The following DNAH5 variants were observed in gnomAD, a reference collection of about 807,000 sequenced individuals.
The protein encoded by DNAH5 is dynein axonemal heavy chain 5, also known as axonemal beta dynein heavy chain 5.
DNAH5 carries 372 observed loss-of-function variants against 518.2 expected under a neutral mutation model. The ratio of observed to expected loss-of-function variants is 0.72; its 90% CI spans 0.66 to 0.78. DNAH5 has a LOEUF of 0.78. Ranked by LOEUF, DNAH5 falls within the 30% of genes least tolerant of loss-of-function variation. DNAH5 has a pLI of 0.00. For synonymous variants in DNAH5, 2,039 were observed against 2,025.9 expected, an observed-to-expected ratio of 1.01 and a Z score of -0.17; for missense variants, 5,523 against 5,687.0, an observed-to-expected ratio of 0.97 and a Z score of 0.93.
At chr5:13,972,262 G>A (rs1270561411) in intron 1 of DNAH5, among the ~76,000 whole-genome samples, 2 of 152,184 alleles carry the variant, frequency 1.3e-5, no homozygotes, top group African/African-American at 2.4e-5. Context: ...GAGAAAGCAA[G>A]CAGGGCTGTC....
intron 65 of DNAH5, among the ~76,000 whole-genome samples, chr5:13,747,779 A>G (rs1749612725): frequency 6.6e-6 from 1 of 152,088 alleles, no homozygotes; most frequent in Admixed American, 6.5e-5. Flanking sequence ...GATTCTGGAT[A>G]TTAGCCCTTT....
At chr5:13,703,928 T>C (rs1742450670) in intron 76 of DNAH5, among the ~76,000 whole-genome samples, 1 of 152,196 alleles carries the variant, frequency 6.6e-6, no homozygotes, top group African/African-American at 2.4e-5. Context: ...GGTCACTTCC[T>C]AATCCAGAAA....
intron 1 of DNAH5, among the ~76,000 whole-genome samples, chr5:13,942,254 A>G (rs1779528354): frequency 6.6e-6 from 1 of 150,628 alleles, no homozygotes; most frequent in Admixed American, 6.6e-5. Context: ...GATAAAGTCA[A>G]TTATTACATT....
At chr5:13,812,171 A>G (rs1365091125) in intron 43 of DNAH5, among the ~76,000 whole-genome samples, 1 of 152,172 alleles carries the variant, frequency 6.6e-6, no homozygotes, top group Non-Finnish European at 1.5e-5. Flanking sequence ...CACTATCCAT[A>G]TGCTCACAGA....
At chr5:13,760,038 AC>A (rs1751572112) in intron 60 of DNAH5, among the ~76,000 whole-genome samples, 2 of 152,222 alleles carry the variant, frequency 1.3e-5, no homozygotes, top group African/African-American at 2.4e-5. Context: ...AAAGAACCTG[AC>A]TGGTGGAACA....
intron 61 of DNAH5, among the ~76,000 whole-genome samples, chr5:13,756,715 C>T (rs1751039879): frequency 6.6e-6 from 1 of 152,070 alleles, no homozygotes; most frequent in Non-Finnish European, 1.5e-5. Context: ...ATTTCATTTT[C>T]ATTTTCAGTT....
chr5:13,901,609 G>A, intron 13 of DNAH5, 36 bp from the exon 14 acceptor site: 1 of 1,339,534 alleles, frequency 7.5e-7, no homozygotes. Context: ...TTGAATTAAT[G>A]GAATAAAATA....
At chr5:13,942,452 C>T (rs1425028418) in intron 1 of DNAH5, among the ~76,000 whole-genome samples, 2 of 152,294 alleles carry the variant, frequency 1.3e-5, no homozygotes, top group African/African-American at 2.4e-5. Flanking sequence ...TATCAGTTGA[C>T]AAACTTTCCT....
At chr5:13,842,425 A>AGAAAGAGAGAGAGAGAG (rs760062438) in intron 32 of DNAH5, among the ~76,000 whole-genome samples, 1 of 38,096 alleles carries the variant, frequency 2.6e-5, no homozygotes, top group African/African-American at 1.1e-4. Flanking sequence ...AAGAAAAGAA[A>AGAAAGAGAGAGAGAGAG]AGAAAGAAAG....
intron 78 of DNAH5, among the ~76,000 whole-genome samples, chr5:13,697,620 T>A (rs1741553994): frequency 1.3e-5 from 2 of 152,190 alleles, no homozygotes; most frequent in African/African-American, 4.8e-5. Flanking sequence ...CATTTCTCTC[T>A]TCCAACTCCC....
rs146087064 is a variant in DNAH5, at chr5:13,844,910, G to A, written c.5198C>T (p.Ser1733Leu). The A allele has an allele frequency of 4.6e-5, 74 of 1,614,032 alleles. No homozygotes were observed. The highest frequency in any genetic ancestry group is 5.4e-5 in the Non-Finnish European group (64 of 1,180,018). Residue 1733 changes from serine to leucine, a missense_variant, in exon 32 of 79, where the codon TCG becomes TTG. Around this residue, in one of 3 missense-constraint regions of DNAH5, gnomAD observed 5,121 missense variants for 5,223.3 expected, o/e 0.98. Coordinates refer to ENST00000265104, the MANE Select transcript of DNAH5 (RefSeq NM_001369.3). ...PALLEILGQA[S>L]DSHTIQAHLL... Reference sequence around the variant, plus strand: ...ATGGGCCTGTATAGTGTGGGAGTCCGACGCCTGCCCCAGAATCTCTAGAAG... The same window carrying A: ...ATGGGCCTGTATAGTGTGGGAGTCCAACGCCTGCCCCAGAATCTCTAGAAG...
At position 13,691,836 on chromosome 5, in the gene DNAH5, T is replaced by G; in HGVS notation, c.*148A>C. 1.2e-6 allele frequency: 1 copy of G among 862,498 alleles called. No individual in the cohort carries two copies. The highest frequency in any genetic ancestry group is 1.8e-6 in the Non-Finnish European group (1 of 554,230). The allele number at this position is 862,498 out of a possible 1,614,324, so 53.4% of individuals were successfully genotyped here. A position where few individuals can be genotyped will look rare whatever the true frequency, so the allele number is the denominator to read the frequency against. ...TGATGAAACAAGTAAAATATAAGCA[T>G]CCAATTAAGGAGTGGGGAAAACCTA... On this transcript the variant is annotated 3_prime_UTR_variant, in exon 79 of 79. Transcript: ENST00000265104.
intron 1 of DNAH5, among the ~76,000 whole-genome samples, chr5:13,958,694 C>T (rs1184350284): frequency 6.6e-6 from 1 of 152,002 alleles, no homozygotes; most frequent in Admixed American, 6.6e-5. Context: ...ATAAAATAAG[C>T]AAAATCTGTT....
chr5:13,767,290 A>G (rs1752633690), intron 58 of DNAH5, among the ~76,000 whole-genome samples: 1 of 152,096 alleles, frequency 6.6e-6, no homozygotes. Context: ...ATGCCGGGCT[A>G]ATTTTTGTAT....
chr5:13,877,889 T>C (rs1282245541), intron 21 of DNAH5, among the ~76,000 whole-genome samples: 1 of 152,164 alleles, frequency 6.6e-6, no homozygotes, highest in African/African-American at 2.4e-5. Context: ...CATGAAGCAC[T>C]TACAGAGGCT....
At chr5:13,781,562 C>CA (rs60475486) in intron 52 of DNAH5, among the ~76,000 whole-genome samples, 118,794 of 151,834 alleles carry the variant, frequency 0.78, 46,798 homozygotes, top group African/African-American at 0.86. Context: ...GCGGCTTCCC[C>CA]ACAGTGTTCC....
Position 13,777,368 on chromosome 5 carries a change from T to C in DNAH5, c.8952-13A>G. 1 of 1,611,434 alleles carries C rather than the reference T, an allele frequency of 6.2e-7. No individual in the cohort carries two copies. The highest frequency in any genetic ancestry group is 8.5e-7 in the Non-Finnish European group (1 of 1,178,280). On this transcript the variant is annotated splice_polypyrimidine_tract_variant and intron_variant, in intron 53 of 78. Coordinates refer to ENST00000265104, the MANE Select transcript of DNAH5 (RefSeq NM_001369.3). ...TGTGTTGTAGGATCTAAAGAAATAT[T>C]TTCATTTTGTCATTAGCTAAAATAT...
At chr5:13,954,213 T>G (rs1780614900) in intron 1 of DNAH5, among the ~76,000 whole-genome samples, 1 of 152,220 alleles carries the variant, frequency 6.6e-6, no homozygotes, top group African/African-American at 2.4e-5. Context: ...GCTTCCCTGA[T>G]ATACCCTGCA....
At position 13,850,829 on chromosome 5, in the gene DNAH5, G is replaced by A; in HGVS notation, c.4951-14C>T. 1 of 1,613,718 alleles carries A rather than the reference G, an allele frequency of 6.2e-7. No homozygotes were observed. The highest frequency in any genetic ancestry group is 8.5e-7 in the Non-Finnish European group (1 of 1,179,742). On this transcript the variant is annotated splice_polypyrimidine_tract_variant and intron_variant, in intron 30 of 78. Transcript: ENST00000265104. ...CCGCTTGGCTTCCTATGAGAACAAG[G>A]TAACAAAGCACACTTAGATTTGGAC...
Sources: allele counts gnomAD v4.1 joint callset (sites outside exome capture counted in the v4.1 genomes callset), GRCh38; gene constraint gnomAD v4.1.1; regional missense constraint gnomAD v4.1.1; transcripts MANE v1.5; gene names NCBI Gene and HGNC (gene_info 2026-07-23, HGNC 2026-07-21).